TRPM4: variants seen among roughly 807,000 people sequenced by gnomAD.
The protein encoded by TRPM4 is transient receptor potential cation channel subfamily M member 4.
TRPM4 carries 124 observed loss-of-function variants against 135.6 expected under a neutral mutation model. The ratio of observed to expected loss-of-function variants is 0.91; its 90% CI spans 0.79 to 1.06. TRPM4 has a LOEUF of 1.06. Among genes scored for constraint, TRPM4 ranks in the 50% least tolerant of loss-of-function variants. The pLI, the probability that TRPM4 is intolerant of heterozygous loss-of-function variation, is 0.00. For missense variants in TRPM4, 1,658 were observed against 1,671.4 expected (o/e 0.99, Z 0.14); for synonymous variants, 745 against 705.6 (o/e 1.06, Z -0.88).
chr19:49,193,983 C>T (rs1043253408), intron 16 of TRPM4, among the ~76,000 whole-genome samples: 1 of 151,212 alleles, frequency 6.6e-6, no homozygotes, highest in African/African-American at 2.4e-5. Flanking sequence ...CCTCCTCTTC[C>T]TCCTTCTCCT....
rs750590052 is a variant in TRPM4, at chr19:49,166,117, G to T, written c.169G>T (p.Val57Leu). The T allele has an allele frequency of 6.2e-7, 1 of 1,604,146 alleles. No individual in the cohort carries two copies. The highest frequency in any genetic ancestry group is 2.3e-5 in the East Asian group (1 of 44,424). ...VAMEDAFGAAVVTVWDSDAHT... is the reference protein window; with the variant it reads ...VAMEDAFGAALVTVWDSDAHT... ...CATGGAGGATGCCTTCGGGGCAGCC[G>T]TGGTGACCGTGTGGGACAGCGATGC... Residue 57 changes from valine (V) to leucine (L), a missense_variant, in exon 3 of 25, where the codon GTG (valine) becomes TTG (leucine). Val to Leu is a conservative substitution (Grantham distance 32). Transcript: ENST00000252826.
rs1568482911 is a variant in TRPM4 at position 49,194,675 on chromosome 19, T to TC, written c.2211-1763dup. Among the ~76,000 whole-genome samples the TC allele has an allele frequency of 5.9e-3, 247 of 42,188 alleles. 1 individual carries two copies. Among genetic ancestry groups the TC allele is most frequent in the African/African-American group, 0.021 (220 of 10,246 alleles). The allele number at this position is 42,188 out of a possible 152,430, so 27.7% of individuals were successfully genotyped here. A position where few individuals can be genotyped will look rare whatever the true frequency, so the allele number is the denominator to read the frequency against. ...TTTCTCTCTCTGTCCCTCCCTCCCT[T>TC]CCTTCCTTCTTTTCTTCCTTCCTTC... On this transcript the variant is annotated intron_variant, in intron 16 of 24. Transcript: ENST00000252826.
chr19:49,167,427 C>G (rs1200105145), intron 3 of TRPM4, among the ~76,000 whole-genome samples: 4 of 112,818 alleles, frequency 3.5e-5, no homozygotes, highest in East Asian at 5.0e-4. Context: ...CTGTCCCCAT[C>G]TCTCTGGGTC....
Position 49,211,277 on chromosome 19 carries a change from T to C in TRPM4, c.3640+8T>C. ...ACCTGCCTGGGTCCAAAGGTCAGTG[T>C]GTAGCATCAGCCTGTGCATCTCCAG... On this transcript the variant is annotated splice_region_variant and intron_variant, in intron 24 of 24. Transcript: ENST00000252826. This position sits in a 1 kb window ranked among gnomAD's most constrained non-coding sequence, Gnocchi z 4.8. 1 of 1,578,792 alleles carries C rather than the reference T, an allele frequency of 6.3e-7. No homozygotes were observed. Among genetic ancestry groups the C allele is most frequent in the Admixed American group, 1.9e-5 (1 of 53,880 alleles).
At chr19:49,160,497 AAAAGAAAG>A (rs1452743391) in intron 2 of TRPM4, among the ~76,000 whole-genome samples, 1 of 151,412 alleles carries the variant, frequency 6.6e-6, no homozygotes, top group Non-Finnish European at 1.5e-5. Flanking sequence ...AAAAAAAAAA[AAAAGAAAG>A]AAAGAAAGAA....
rs1229098425 is a variant in TRPM4, at chr19:49,171,963, T to C, written c.1051-46T>C. 1 of 1,527,380 alleles carries C rather than the reference T, an allele frequency of 6.5e-7. No individual in the cohort carries two copies. The highest frequency in any genetic ancestry group is 9.1e-7 in the Non-Finnish European group (1 of 1,101,746). 94.6% of individuals were successfully genotyped at this position (1,527,380 alleles called of 1,614,324 possible). On this transcript the variant is annotated intron_variant, in intron 8 of 24. Coordinates refer to ENST00000252826, the MANE Select transcript of TRPM4 (RefSeq NM_017636.4). This position sits in a 1 kb window ranked among gnomAD's most constrained non-coding sequence, Gnocchi z 4.7. ...CCCTTTGGACAGGGCCCAACAGGAG[T>C]TGGGGATGGAGGCGGGCTAGGGATG...
In TRPM4 at chr19:49,211,186, T is replaced by A. The variant is rs1568499565; in HGVS notation, c.3557T>A (p.Leu1186Gln). 6.2e-7 allele frequency: 1 copy of A among 1,603,840 alleles called. No individual in the cohort carries two copies. The highest frequency in any genetic ancestry group is 1.7e-5 in the Admixed American group (1 of 57,816). Residue 1186 changes from leucine to glutamine, a missense_variant, in exon 24 of 25, where the codon CTG becomes CAG. Leu to Gln is a moderately radical substitution (Grantham distance 113). Around this residue, in one of 3 missense-constraint regions of TRPM4, gnomAD observed 1,412 missense variants for 1,408.7 expected, o/e 1.00. Coordinates refer to ENST00000252826, the MANE Select transcript of TRPM4 (RefSeq NM_017636.4). This position sits in a 1 kb window ranked among gnomAD's most constrained non-coding sequence, Gnocchi z 4.8. ...EREVQQCSRVLGWVAEALSRS... is the reference protein window; with the variant it reads ...EREVQQCSRVQGWVAEALSRS... ...CAGGTCCAGCAGTGTAGCCGCGTCC[T>A]GGGGTGGGTGGCCGAGGCCCTGAGC...
intron 17 of TRPM4, among the ~76,000 whole-genome samples, chr19:49,199,499 TCCGC>T (rs1968834009): frequency 6.6e-6 from 1 of 152,142 alleles, no homozygotes; most frequent in African/African-American, 2.4e-5. Flanking sequence ...GACCCCGTGA[TCCGC>T]CCGCCTCGGC....
At chr19:49,177,351 T>C (rs955556280) in intron 9 of TRPM4, among the ~76,000 whole-genome samples, 3 of 143,588 alleles carry the variant, frequency 2.1e-5, no homozygotes, top group African/African-American at 8.4e-5. Context: ...TTTTTTTTTT[T>C]TGAGACAGTG....
intron 6 of TRPM4, among the ~76,000 whole-genome samples, chr19:49,170,713 C>T (rs1380276292): frequency 1.3e-5 from 2 of 152,106 alleles, no homozygotes; most frequent in Non-Finnish European, 2.9e-5. Flanking sequence ...AGTCTAGGTC[C>T]TCAGCCCCCT....
intron 20 of TRPM4, among the ~76,000 whole-genome samples, chr19:49,209,499 C>T (rs1220902175): frequency 6.6e-6 from 1 of 151,860 alleles, no homozygotes; most frequent in East Asian, 1.9e-4. Flanking sequence ...TTTGTGTGTT[C>T]CTAGGAATTT....
At chr19:49,199,858 G>A (rs1274828701) in intron 17 of TRPM4, among the ~76,000 whole-genome samples, 1 of 152,164 alleles carries the variant, frequency 6.6e-6, no homozygotes, top group Non-Finnish European at 1.5e-5. Flanking sequence ...AATAGGGGTA[G>A]AATTTTTATT....
intron 20 of TRPM4, among the ~76,000 whole-genome samples, chr19:49,209,944 T>G (rs937306690): frequency 1.3e-5 from 2 of 152,154 alleles, no homozygotes; most frequent in Non-Finnish European, 2.9e-5. Context: ...AGATGGGGCT[T>G]CACCATGTTA....
At chr19:49,200,457 G>A (rs768670362) in intron 18 of TRPM4, 25 bp downstream of exon 18, 3 of 1,610,818 alleles carry the variant, frequency 1.9e-6, no homozygotes, top group East Asian at 2.2e-5. Flanking sequence ...GGGCCAAAGT[G>A]GGCGGGGACA....
chr19:49,163,128 C>A (rs1313279422), intron 2 of TRPM4, among the ~76,000 whole-genome samples: 1 of 151,766 alleles, frequency 6.6e-6, no homozygotes, highest in Non-Finnish European at 1.5e-5. Context: ...ACAAAGAACC[C>A]ATGCAGCTAT....
chr19:49,197,364 C>T (rs12151071), intron 17 of TRPM4, among the ~76,000 whole-genome samples: 6,609 of 71,938 alleles, frequency 0.092, 225 homozygotes, highest in Non-Finnish European at 0.12. Flanking sequence ...TTCTTTCTTT[C>T]TCTCTCTTTC....
chr19:49,176,462 T>C (rs1291586428), intron 9 of TRPM4, among the ~76,000 whole-genome samples: 2 of 152,154 alleles, frequency 1.3e-5, no homozygotes, highest in Non-Finnish European at 2.9e-5. Context: ...GAAGAGATCC[T>C]CCTGCCTTGA....
At chr19:49,208,546 C>T (rs968559672) in intron 20 of TRPM4, among the ~76,000 whole-genome samples, 2 of 152,064 alleles carry the variant, frequency 1.3e-5, no homozygotes, top group Non-Finnish European at 2.9e-5. Flanking sequence ...CCCTTCAGCT[C>T]CTATCTCTGT....
chr19:49,200,057 T>G (rs1370797110), intron 17 of TRPM4, among the ~76,000 whole-genome samples: 2 of 152,204 alleles, frequency 1.3e-5, no homozygotes, highest in African/African-American at 4.8e-5. Flanking sequence ...ACCAGCTCTT[T>G]GCTAAGGCCA....
Sources: allele counts gnomAD v4.1 joint callset (sites outside exome capture counted in the v4.1 genomes callset), GRCh38; gene constraint gnomAD v4.1.1; regional missense constraint gnomAD v4.1.1; non-coding constraint Gnocchi (gnomAD v3.1); transcripts MANE v1.5; gene names NCBI Gene and HGNC (gene_info 2026-07-23, HGNC 2026-07-21).